NOS1: variants seen among roughly 807,000 people sequenced by gnomAD.
The protein encoded by NOS1 is NOS type I.
NOS1 carries 51 observed loss-of-function variants against 164.5 expected under a neutral mutation model. The observed-to-expected ratio is 0.31, with a 90% CI of 0.25 to 0.39. The LOEUF is 0.39. Among genes scored for constraint, NOS1 ranks in the 10% least tolerant of loss-of-function variants. The pLI is 1.00. For synonymous variants in NOS1, 719 were observed against 745.8 expected (o/e 0.96, Z 0.59); for missense variants, 1,362 against 1,885.6 (o/e 0.72, Z 5.14).
chr12:117,254,370 G>A (rs918644736), intron 16 of NOS1, among the ~76,000 whole-genome samples: 1 of 152,176 alleles, frequency 6.6e-6, no homozygotes, highest in South Asian at 2.1e-4. Flanking sequence ...GCCTCCCAAA[G>A]TGCTGGGATT....
intron 20 of NOS1, among the ~76,000 whole-genome samples, chr12:117,235,440 C>T (rs1019345376): frequency 6.6e-6 from 1 of 152,146 alleles, no homozygotes; most frequent in Non-Finnish European, 1.5e-5. Flanking sequence ...GCTGTGGCAT[C>T]CCCAATCTGT....
In NOS1 at chr12:117,330,020, CAT is replaced by C. The variant is rs1283034430; in HGVS notation, c.725+323_725+324del. Among the ~76,000 whole-genome samples, 2 of 152,144 alleles carry C rather than the reference CAT, an allele frequency of 1.3e-5. No homozygotes were observed. Among genetic ancestry groups the C allele is most frequent in the East Asian group, 1.9e-4 (1 of 5,196 alleles). ...AGCCTCCGTCTTCTCACTTGTGAAA[CAT>C]AGATTGCAAAAATGCAAGTAAGTTT... On this transcript the variant is annotated intron_variant, in intron 2 of 28. Coordinates refer to ENST00000317775, the MANE Select transcript of NOS1 (RefSeq NM_000620.5). This position sits in a 1 kb window ranked among gnomAD's most constrained non-coding sequence, Gnocchi z 4.6.
intron 4 of NOS1, 24 bp downstream of exon 4, chr12:117,290,274 T>C (rs1872959659): frequency 1.2e-6 from 2 of 1,613,054 alleles, no homozygotes; most frequent in Non-Finnish European, 1.7e-6. Context: ...CACCCTCTCA[T>C]CTACACCCTG....
chr12:117,337,175 G>C (rs1165061579), intron 1 of NOS1, among the ~76,000 whole-genome samples: 1 of 143,064 alleles, frequency 7.0e-6, no homozygotes, highest in Non-Finnish European at 1.5e-5. Context: ...GAGTGCAGTG[G>C]CGCGATCTCG....
chr12:117,309,773 T>C (rs569813992), intron 3 of NOS1, among the ~76,000 whole-genome samples: 9 of 150,776 alleles, frequency 6.0e-5, no homozygotes, highest in African/African-American at 2.2e-4. Context: ...ACAGATGGAG[T>C]TGGCGAGGCT....
intron 9 of NOS1, among the ~76,000 whole-genome samples, chr12:117,273,364 G>A (rs1483542293): frequency 6.6e-6 from 1 of 152,154 alleles, no homozygotes; most frequent in Non-Finnish European, 1.5e-5. Flanking sequence ...GGAACTGGGT[G>A]AGTTCCCAGA....
rs1324649798 is a variant in NOS1, at chr12:117,278,022, T to C, written c.1601A>G (p.Asn534Ser). The C allele has an allele frequency of 1.2e-6, 2 of 1,614,144 alleles. No homozygotes were observed. The highest frequency in any genetic ancestry group is 1.1e-5 in the South Asian group (1 of 91,080). The change falls in exon 9 of 29, where the codon AAT (asparagine) becomes AGT (serine). Residue 534 changes from asparagine to serine, a missense_variant. By Grantham distance (46) the Asn-to-Ser change is conservative. Around this residue, in one of 4 missense-constraint regions of NOS1, gnomAD observed 134 missense variants for 267.3 expected, o/e 0.50. Coordinates refer to ENST00000317775, the MANE Select transcript of NOS1 (RefSeq NM_000620.5). ...VLPLLLQANGNDPELFQIPPE... is the reference protein window; with the variant it reads ...VLPLLLQANGSDPELFQIPPE... ...AGGAATCTGGAAGAGCTCAGGGTCA[T>C]TGCCGTTGGCCTGAAGCAGGAGCGG...
intron 17 of NOS1, among the ~76,000 whole-genome samples, chr12:117,248,138 A>T (rs1870789085): frequency 6.6e-6 from 1 of 151,682 alleles, no homozygotes. Context: ...TAGCACCTTG[A>T]TCTTGGACTT....
At chr12:117,301,361 T>C (rs1174860098) in intron 3 of NOS1, among the ~76,000 whole-genome samples, 2 of 152,184 alleles carry the variant, frequency 1.3e-5, no homozygotes, top group Non-Finnish European at 2.9e-5. Flanking sequence ...ATTCCCGACC[T>C]AAAGTGTTCC....
chr12:117,332,691 T>G (rs2136076635), intron 1 of NOS1, among the ~76,000 whole-genome samples: 1 of 152,188 alleles, frequency 6.6e-6, no homozygotes, highest in East Asian at 1.9e-4. Flanking sequence ...ATGGTGAAAC[T>G]TCGTCTCTAC....
chr12:117,263,832 T>C, intron 13 of NOS1, 57 bp downstream of exon 13: 1 of 1,345,660 alleles, frequency 7.4e-7, no homozygotes. Context: ...CCTCCTTCTC[T>C]GGGTTCTCTG....
chr12:117,313,793 TC>T (rs1251819158), intron 2 of NOS1, among the ~76,000 whole-genome samples: 1 of 152,178 alleles, frequency 6.6e-6, no homozygotes, highest in Non-Finnish European at 1.5e-5. Context: ...AATACTGCCC[TC>T]CTACTTCCCA....
intron 9 of NOS1, among the ~76,000 whole-genome samples, chr12:117,277,074 G>A (rs1873246500): frequency 6.6e-6 from 1 of 152,116 alleles, no homozygotes; most frequent in Non-Finnish European, 1.5e-5. Context: ...CTTCTCCATA[G>A]TGGTTGTACT....
At chr12:117,312,294 C>T (rs1874469589) in intron 2 of NOS1, among the ~76,000 whole-genome samples, 1 of 152,324 alleles carries the variant, frequency 6.6e-6, no homozygotes, top group South Asian at 2.1e-4. Flanking sequence ...ATCTCTAACT[C>T]CTGGGCTCAA....
At position 117,211,558 on chromosome 12, in the gene NOS1, C is replaced by G; in HGVS notation, c.*3751G>C. ...TTCTTGTAATGCCACTCACCTCTCC[C>G]CACGGTCTGGTCCCAGCCCACCTTT... On this transcript the variant is annotated 3_prime_UTR_variant, in exon 29 of 29. Coordinates refer to ENST00000317775, the MANE Select transcript of NOS1 (RefSeq NM_000620.5). The G allele has an allele frequency of 1.0e-6, 1 of 985,602 alleles. No individual in the cohort carries two copies. 61.1% of individuals were successfully genotyped at this position (985,602 alleles called of 1,614,324 possible).
chr12:117,224,901 T>A, intron 25 of NOS1, 115 bp downstream of exon 25: 1 of 1,392,742 alleles, frequency 7.2e-7, no homozygotes, highest in Non-Finnish European at 1.0e-6. Context: ...CCAGCTTTTC[T>A]GAGGCGGTGA....
intron 7 of NOS1, among the ~76,000 whole-genome samples, chr12:117,283,885 C>A (rs1873894122): frequency 7.8e-6 from 1 of 127,776 alleles, no homozygotes; most frequent in Non-Finnish European, 1.7e-5. Flanking sequence ...AAAAGGAAAT[C>A]CACCAGAAGA....
intron 11 of NOS1, among the ~76,000 whole-genome samples, chr12:117,266,965 C>A (rs1872468607): frequency 6.6e-6 from 1 of 152,128 alleles, no homozygotes; most frequent in South Asian, 2.1e-4. Context: ...AGGGAGGTGG[C>A]CTCCTTCCCT....
chr12:117,321,779 T>C (rs1874937302), intron 2 of NOS1, among the ~76,000 whole-genome samples: 1 of 152,132 alleles, frequency 6.6e-6, no homozygotes, highest in Admixed American at 6.5e-5. Context: ...CTGGAATCAA[T>C]ACTGCCATTG....
Sources: allele counts gnomAD v4.1 joint callset (sites outside exome capture counted in the v4.1 genomes callset), GRCh38; gene constraint gnomAD v4.1.1; regional missense constraint gnomAD v4.1.1; non-coding constraint Gnocchi (gnomAD v3.1); transcripts MANE v1.5; gene names NCBI Gene and HGNC (gene_info 2026-07-23, HGNC 2026-07-21).